CTNNAL1: variants seen among roughly 807,000 people sequenced by gnomAD.
CTNNAL1 encodes catenin alpha like 1.
Under a neutral mutation model 93.6 loss-of-function variants are expected in CTNNAL1, and 69 were observed. The observed-to-expected ratio is 0.74, with a 90% confidence interval of 0.61 to 0.90. CTNNAL1 has a LOEUF of 0.90. Among genes scored for constraint, CTNNAL1 ranks in the 40% least tolerant of loss-of-function variants. CTNNAL1 has a pLI of 0.00. For synonymous variants in CTNNAL1, 286 were observed against 305.4 expected, an observed-to-expected ratio of 0.94 and a Z score of 0.66; for missense variants, 836 against 862.0, an observed-to-expected ratio of 0.97 and a Z score of 0.38.
chr9:109,006,086 T>C (rs1007946209), intron 1 of CTNNAL1, among the ~76,000 whole-genome samples: 1 of 152,154 alleles, frequency 6.6e-6, no homozygotes, highest in Admixed American at 6.5e-5. Flanking sequence ...AAATGGAAAA[T>C]ATAGGAGAGC....
intron 1 of CTNNAL1, among the ~76,000 whole-genome samples, chr9:109,006,007 T>C (rs1461912268): frequency 6.6e-6 from 1 of 152,222 alleles, no homozygotes; most frequent in Non-Finnish European, 1.5e-5. Context: ...CTACTTATAT[T>C]CTAAAATTAG....
intron 11 of CTNNAL1, among the ~76,000 whole-genome samples, chr9:108,957,500 G>A (rs960497356): frequency 2.6e-5 from 4 of 152,184 alleles, no homozygotes; most frequent in Non-Finnish European, 5.9e-5. Flanking sequence ...CTGTTACTAA[G>A]AGTGAGTTAA....
chr9:109,000,676 A>G (rs1276346521), intron 1 of CTNNAL1, among the ~76,000 whole-genome samples: 1 of 151,474 alleles, frequency 6.6e-6, no homozygotes, highest in African/African-American at 2.4e-5. Context: ...AAGGATAAAG[A>G]GCATTCTAGG....
intron 10 of CTNNAL1, 56 bp from the exon 11 acceptor site, chr9:108,965,584 A>C (rs1830931914): frequency 2.9e-5 from 30 of 1,022,362 alleles, no homozygotes; most frequent in Non-Finnish European, 3.8e-5. Context: ...CCTCAGAATC[A>C]CTTTGAAGAC....
chr9:109,000,555 A>C (rs890043733), intron 1 of CTNNAL1, among the ~76,000 whole-genome samples: 5 of 152,210 alleles, frequency 3.3e-5, no homozygotes, highest in African/African-American at 4.8e-5. Context: ...GGATAGTGTG[A>C]TATAAAGTAT....
Position 108,977,060 on chromosome 9 carries a change from A to T in CTNNAL1, c.1102-12T>A, listed in dbSNP as rs12341672. 74,301 of 1,375,690 alleles carry T rather than the reference A, an allele frequency of 0.054. 2,561 individuals carry two copies. Among genetic ancestry groups the T allele is most frequent in the Admixed American group, 0.15 (5,959 of 39,726 alleles). The allele number at this position is 1,375,690 out of a possible 1,614,324, so 85.2% of individuals were successfully genotyped here. A position where few individuals can be genotyped will look rare whatever the true frequency, so the allele number is the denominator to read the frequency against. The stretch of plus-strand genomic sequence containing the variant: ...GTTTTCTTGCTTTGCTAAAAATTTT[A>T]AAAAGTATACATGTAATGTTACCGC... On this transcript the variant is annotated splice_polypyrimidine_tract_variant and intron_variant, in intron 7 of 18. Coordinates refer to ENST00000325551, the MANE Select transcript of CTNNAL1 (RefSeq NM_003798.4).
intron 2 of CTNNAL1, among the ~76,000 whole-genome samples, chr9:108,994,985 C>T (rs1831961416): frequency 6.6e-6 from 1 of 152,210 alleles, no homozygotes; most frequent in Non-Finnish European, 1.5e-5. Flanking sequence ...TGCACTCAAG[C>T]TTCCAGGTAA....
intron 14 of CTNNAL1, chr9:108,950,408 A>G: frequency 8.0e-7 from 1 of 1,247,954 alleles, no homozygotes; most frequent in Non-Finnish European, 1.1e-6. Flanking sequence ...CACCAAAGGA[A>G]TGGTCTCCAA....
intron 10 of CTNNAL1, 67 bp downstream of exon 10, chr9:108,970,335 T>C (rs1054256241): frequency 1.5e-5 from 21 of 1,396,010 alleles, no homozygotes; most frequent in Non-Finnish European, 2.0e-5. Flanking sequence ...ATACCTTCCA[T>C]CCACACAACT....
chr9:108,959,639 A>G lies in CTNNAL1; in HGVS notation c.1592-3812T>C, dbSNP rs1374326202. On this transcript the variant is annotated intron_variant, in intron 11 of 18. Transcript: ENST00000325551. The stretch of plus-strand genomic sequence containing the variant: ...TTATGTTTAGCTGTTATATCAAAGA[A>G]GTAGCATAAACAAAACTCTATCATA... Among the ~76,000 whole-genome samples the G allele has an allele frequency of 3.3e-5, 5 of 152,204 alleles. No individual in the cohort carries two copies. In the East Asian group the frequency reaches 9.6e-4, roughly 29 times the overall value.
intron 15 of CTNNAL1, among the ~76,000 whole-genome samples, chr9:108,945,015 T>C (rs1830359677): frequency 1.3e-5 from 2 of 152,220 alleles, no homozygotes; most frequent in South Asian, 4.1e-4. Flanking sequence ...GTTACCACTT[T>C]CTATTCTGCA....
Position 108,952,313 on chromosome 9 carries a change from A to C in CTNNAL1, c.1731T>G (p.Ser577=). 1 of 1,614,214 alleles carries C rather than the reference A, an allele frequency of 6.2e-7. No homozygotes were observed. The highest frequency in any genetic ancestry group is 8.5e-7 in the Non-Finnish European group (1 of 1,180,026). ...ACTTCTCAATTTCGCAGTCAGCGTC[A>C]GAGGTGAGCAAACCCAGCTTAAGTC... ...KLGLKLGLLT[S]DADCEIEKWE... is the part of the protein sequence containing the mutation. The change falls in exon 14 of 19, where the codon TCT becomes TCG. Residue 577 remains serine (S), a synonymous_variant. Transcript: ENST00000325551.
intron 1 of CTNNAL1, among the ~76,000 whole-genome samples, chr9:109,000,361 T>G (rs1826756110): frequency 1.3e-5 from 2 of 152,118 alleles, no homozygotes; most frequent in African/African-American, 4.8e-5. Flanking sequence ...CAAAATATAT[T>G]TGTTGCACAC....
chr9:108,944,158 T>C, intron 15 of CTNNAL1, 140 bp from the exon 16 acceptor site: 1 of 773,830 alleles, frequency 1.3e-6, no homozygotes. Context: ...TCCTAAACTT[T>C]TTCCAGTACC....
rs11291554 is a variant in CTNNAL1, at chr9:108,958,063, C to CA, written c.1592-2237dup. On this transcript the variant is annotated intron_variant, in intron 11 of 18. Coordinates refer to ENST00000325551, the MANE Select transcript of CTNNAL1 (RefSeq NM_003798.4). ...CCTGGGTGATAGAGCAAGACTGTCTCAAAAAAAAAAAAAAAAAAAAACAAA... is the reference window on the plus strand; with the variant it reads ...CCTGGGTGATAGAGCAAGACTGTCTCAAAAAAAAAAAAAAAAAAAAAACAAA... Among the ~76,000 whole-genome samples the CA allele has an allele frequency of 9.6e-3, 817 of 84,988 alleles. 15 individuals are homozygous for CA. Among genetic ancestry groups the CA allele is most frequent in the South Asian group, 0.031 (72 of 2,326 alleles). 55.8% of individuals were successfully genotyped at this position (84,988 alleles called of 152,430 possible).
chr9:108,955,640 AG>A (rs1830669941), intron 12 of CTNNAL1, 149 bp downstream of exon 12: 1 of 724,428 alleles, frequency 1.4e-6, no homozygotes, highest in Non-Finnish European at 2.4e-6. Flanking sequence ...ATTGCTACCC[AG>A]AATAACAACT....
intron 12 of CTNNAL1, among the ~76,000 whole-genome samples, chr9:108,954,607 A>G (rs1564123781): frequency 6.6e-6 from 1 of 152,232 alleles, no homozygotes; most frequent in Non-Finnish European, 1.5e-5. Context: ...TGCTATTTGT[A>G]CTTTCAAACT....
At chr9:108,976,617 AG>A (rs1454808008) in intron 8 of CTNNAL1, among the ~76,000 whole-genome samples, 62 of 152,042 alleles carry the variant, frequency 4.1e-4, no homozygotes, top group Middle Eastern at 3.4e-3. Context: ...TGCAGCCTTG[AG>A]CCCTGGGGAT....
intron 7 of CTNNAL1, among the ~76,000 whole-genome samples, chr9:108,977,702 G>A (rs549234244): frequency 3.7e-4 from 57 of 152,250 alleles, no homozygotes; most frequent in African/African-American, 1.3e-3. Context: ...CAAATGGTAG[G>A]TCGTAGATAT....
Sources: allele counts gnomAD v4.1 joint callset (sites outside exome capture counted in the v4.1 genomes callset), GRCh38; gene constraint gnomAD v4.1.1; transcripts MANE v1.5; gene names NCBI Gene and HGNC (gene_info 2026-07-23, HGNC 2026-07-21).